FHIT: variants seen among roughly 807,000 people sequenced by gnomAD.
The protein encoded by FHIT is bis(5'-adenosyl)-triphosphatase.
Under a neutral mutation model 17.9 loss-of-function variants are expected in FHIT, and 19 were observed. The observed-to-expected ratio is 1.06, with a 90% CI of 0.74 to 1.56. The LOEUF is 1.56. Ranked by LOEUF, FHIT falls within the 40% of genes most tolerant of loss-of-function variation. FHIT has a pLI of 0.00. For missense variants in FHIT, 248 were observed against 189.2 expected (o/e 1.31, Z -1.82); for synonymous variants, 81 against 69.7 (o/e 1.16, Z -0.81).
chr3:61,168,572 C>G (rs994875516), intron 2 of FHIT, among the ~76,000 whole-genome samples: 1 of 152,194 alleles, frequency 6.6e-6, no homozygotes, highest in African/African-American at 2.4e-5. Context: ...TTAACTTGAG[C>G]AATGCTGTGT....
intron 5 of FHIT, among the ~76,000 whole-genome samples, chr3:60,319,364 G>C (rs1395363127): frequency 1.3e-5 from 2 of 151,910 alleles, no homozygotes; most frequent in Non-Finnish European, 2.9e-5. Flanking sequence ...AACCTTCAAA[G>C]GATCTGCTGA....
chr3:61,149,794 T>G (rs1456651716), intron 2 of FHIT, among the ~76,000 whole-genome samples: 1 of 151,558 alleles, frequency 6.6e-6, no homozygotes, highest in Non-Finnish European at 1.5e-5. Context: ...GGGGGAGGAT[T>G]GCTTGAGCCC....
At chr3:60,904,603 A>T (rs1553764040) in intron 3 of FHIT, among the ~76,000 whole-genome samples, 1 of 152,150 alleles carries the variant, frequency 6.6e-6, no homozygotes, top group Non-Finnish European at 1.5e-5. Flanking sequence ...GAAAATATTT[A>T]TAAAATATAT....
intron 8 of FHIT, among the ~76,000 whole-genome samples, chr3:59,760,559 CAAAA>C (rs35692822): frequency 1.5e-5 from 2 of 135,232 alleles, no homozygotes; most frequent in Admixed American, 7.5e-5. Context: ...CCCATGCCAT[CAAAA>C]AAAAAAAAAA....
intron 2 of FHIT, among the ~76,000 whole-genome samples, chr3:61,173,941 T>C (rs1360072944): frequency 6.6e-6 from 1 of 152,252 alleles, no homozygotes; most frequent in African/African-American, 2.4e-5. Flanking sequence ...ACTTTGAATG[T>C]GAGATTACTT....
At chr3:60,391,534 G>C (rs1303537987) in intron 5 of FHIT, among the ~76,000 whole-genome samples, 1 of 152,126 alleles carries the variant, frequency 6.6e-6, no homozygotes, top group African/African-American at 2.4e-5. Flanking sequence ...CTCCATCCAT[G>C]GTAAGTGCCC....
intron 5 of FHIT, among the ~76,000 whole-genome samples, chr3:60,051,398 C>T (rs1290170489): frequency 3.4e-5 from 5 of 146,756 alleles, no homozygotes; most frequent in African/African-American, 5.0e-5. Flanking sequence ...CAGACCATGA[C>T]CAAATAAGGT....
chr3:60,989,563 C>T (rs902484618), intron 3 of FHIT, among the ~76,000 whole-genome samples: 9 of 152,128 alleles, frequency 5.9e-5, no homozygotes, highest in African/African-American at 2.2e-4. Context: ...TGCTTATCAA[C>T]GTTGTCAACT....
chr3:61,035,862 G>A (rs1031409427), intron 3 of FHIT, among the ~76,000 whole-genome samples: 11 of 152,254 alleles, frequency 7.2e-5, no homozygotes, highest in East Asian at 1.9e-4. Context: ...TGGCTCCTCA[G>A]TAATGTTTAG....
At chr3:61,228,257 T>C (rs2040018126) in intron 1 of FHIT, among the ~76,000 whole-genome samples, 2 of 151,920 alleles carry the variant, frequency 1.3e-5, no homozygotes, top group South Asian at 4.1e-4. Flanking sequence ...CTAAAATCCC[T>C]GTATGGAAAA....
intron 2 of FHIT, among the ~76,000 whole-genome samples, chr3:61,152,916 G>C (rs533256654): frequency 6.6e-6 from 1 of 152,106 alleles, no homozygotes; most frequent in Admixed American, 6.5e-5. Flanking sequence ...GGCTGAGATG[G>C]GAGGATCACA....
At chr3:59,955,846 G>T (rs1171612849) in intron 7 of FHIT, among the ~76,000 whole-genome samples, 1 of 152,134 alleles carries the variant, frequency 6.6e-6, no homozygotes, top group African/African-American at 2.4e-5. Context: ...TCTCTCATCT[G>T]AATGACGGCA....
chr3:60,373,757 G>A (rs1427379555), intron 5 of FHIT, among the ~76,000 whole-genome samples: 1 of 152,112 alleles, frequency 6.6e-6, no homozygotes, highest in Non-Finnish European at 1.5e-5. Flanking sequence ...GGCTTACAAC[G>A]TCTATCTAAC....
chr3:59,957,319 G>C (rs1707454270), intron 7 of FHIT, among the ~76,000 whole-genome samples: 2 of 152,268 alleles, frequency 1.3e-5, no homozygotes, highest in Admixed American at 6.5e-5. Context: ...AAGATTGTGT[G>C]AAGATAGAGC....
intron 8 of FHIT, among the ~76,000 whole-genome samples, chr3:59,820,112 A>G (rs1700737296): frequency 6.6e-6 from 1 of 152,236 alleles, no homozygotes; most frequent in Non-Finnish European, 1.5e-5. Context: ...AAGGTATTTT[A>G]TTGTAGAAAC....
At chr3:60,091,399 T>C (rs755843317) in intron 5 of FHIT, among the ~76,000 whole-genome samples, 61 of 152,206 alleles carry the variant, frequency 4.0e-4, no homozygotes, top group Non-Finnish European at 7.8e-4. Flanking sequence ...TAGAACTTGC[T>C]GGCTAGAGAA....
At chr3:60,217,475 T>C (rs1331459410) in intron 5 of FHIT, among the ~76,000 whole-genome samples, 1 of 152,204 alleles carries the variant, frequency 6.6e-6, no homozygotes, top group Admixed American at 6.5e-5. Flanking sequence ...ATTCTCCCAC[T>C]ACTTCAGTCT....
At chr3:60,151,771 C>A (rs555284344) in intron 5 of FHIT, among the ~76,000 whole-genome samples, 1 of 152,272 alleles carries the variant, frequency 6.6e-6, no homozygotes, top group East Asian at 1.9e-4. Context: ...CCTTTTGAAT[C>A]CATTCAGTTT....
intron 5 of FHIT, among the ~76,000 whole-genome samples, chr3:60,379,554 G>T (rs1405836086): frequency 6.6e-6 from 1 of 152,080 alleles, no homozygotes; most frequent in Non-Finnish European, 1.5e-5. Context: ...GAGTACTGTT[G>T]GTTCAACAGG....
Sources: allele counts gnomAD v4.1 joint callset (sites outside exome capture counted in the v4.1 genomes callset), GRCh38; gene constraint gnomAD v4.1.1; transcripts MANE v1.5; gene names NCBI Gene and HGNC (gene_info 2026-07-23, HGNC 2026-07-21).